Variants in FBXW8 observed in about 807,000 individuals in gnomAD.
FBXW8 encodes the protein F-box and WD repeat domain containing 8, also known as F-box/WD repeat-containing protein 8.
In FBXW8, 57 loss-of-function variants were observed where a neutral mutation model predicts 65.3. The observed-to-expected ratio is 0.87, with a 90% CI of 0.71 to 1.09. FBXW8 has a LOEUF of 1.09. Ranked by LOEUF, FBXW8 falls within the 50% of genes least tolerant of loss-of-function variation. The pLI, the probability that FBXW8 is intolerant of heterozygous loss-of-function variation, is 0.00. For missense variants in FBXW8, 777 were observed against 814.8 expected, an observed-to-expected ratio of 0.95 and a Z score of 0.57; for synonymous variants, 308 against 330.2, an observed-to-expected ratio of 0.93 and a Z score of 0.73.
At chr12:116,913,744 G>C (rs77264855) in intron 1 of FBXW8, among the ~76,000 whole-genome samples, 2 of 152,114 alleles carry the variant, frequency 1.3e-5, no homozygotes, top group Non-Finnish European at 2.9e-5. Flanking sequence ...GGACCCACGC[G>C]GTTCAAACCC....
At chr12:116,994,944 T>C (rs1199288947) in intron 7 of FBXW8, among the ~76,000 whole-genome samples, 1 of 152,224 alleles carries the variant, frequency 6.6e-6, no homozygotes, top group African/African-American at 2.4e-5. Context: ...ACAGAAGTTG[T>C]ACCTTGGGCA....
rs1231342944 is a variant in FBXW8, at chr12:116,988,742, T to G, written c.1112T>G (p.Leu371Arg). Residue 371 changes from leucine to arginine, a missense_variant, in exon 7 of 11, where the codon CTC (leucine) becomes CGC (arginine). Physicochemically the swap from Leu to Arg is moderately radical, Grantham distance 102. Transcript: ENST00000652555. Reference sequence around the variant, plus strand: ...GCTGCTGGAGATCTGATGTACCTGCTCAAAGCCGAAGACTCCGCCAGAACC... The same window carrying G: ...GCTGCTGGAGATCTGATGTACCTGCGCAAAGCCGAAGACTCCGCCAGAACC... Reference protein sequence around the residue: ...VAAAGDLMYLLKAEDSARTLL... With the variant: ...VAAAGDLMYLRKAEDSARTLL... The G allele has an allele frequency of 6.2e-7, 1 of 1,614,114 alleles. No homozygotes were observed. Among genetic ancestry groups the G allele is most frequent in the South Asian group, 1.1e-5 (1 of 91,074 alleles).
intron 5 of FBXW8, among the ~76,000 whole-genome samples, chr12:116,981,613 CTTT>C (rs58869433): frequency 1.1e-4 from 16 of 146,470 alleles, no homozygotes; most frequent in South Asian, 2.2e-4. Context: ...CTGTGAAGTT[CTTT>C]TTTTTTTTTT....
intron 7 of FBXW8, among the ~76,000 whole-genome samples, chr12:117,003,544 A>C (rs1024478806): frequency 2.6e-5 from 4 of 152,164 alleles, no homozygotes; most frequent in Admixed American, 2.0e-4. Flanking sequence ...TTTGTTGACT[A>C]TTTCTTCCAG....
chr12:116,947,505 T>C (rs972145343), intron 3 of FBXW8, among the ~76,000 whole-genome samples: 5 of 152,026 alleles, frequency 3.3e-5, no homozygotes, highest in Admixed American at 3.3e-4. Context: ...CCCAGCACTT[T>C]GGGAGGCTGA....
chr12:117,000,607 T>A (rs1475310758), intron 7 of FBXW8, among the ~76,000 whole-genome samples: 2 of 152,190 alleles, frequency 1.3e-5, no homozygotes, highest in Non-Finnish European at 2.9e-5. Context: ...GGACCACACT[T>A]TGAGCACCCT....
intron 5 of FBXW8, among the ~76,000 whole-genome samples, chr12:116,968,376 A>T (rs1187734937): frequency 1.3e-5 from 2 of 152,232 alleles, no homozygotes; most frequent in Non-Finnish European, 2.9e-5. Flanking sequence ...TTTAAAAAAC[A>T]AAAGATAGCA....
At position 116,955,154 on chromosome 12, in the gene FBXW8, C is replaced by T. The variant is rs1028852937; in HGVS notation, c.677+5448C>T. 2.6e-5 allele frequency among the ~76,000 whole-genome samples: 4 copies of T among 152,034 alleles called. 1 individual carries two copies. The highest frequency in any genetic ancestry group is 9.7e-5 in the African/African-American group (4 of 41,394). On this transcript the variant is annotated intron_variant, in intron 4 of 10. Transcript: ENST00000652555. ...AAGGAAAACTCCCCTTCGGCGATTC[C>T]ACACTCTCTGGACTTCCATTACCTC...
intron 1 of FBXW8, among the ~76,000 whole-genome samples, chr12:116,913,879 T>C (rs1272401110): frequency 6.6e-6 from 1 of 151,932 alleles, no homozygotes; most frequent in Non-Finnish European, 1.5e-5. Flanking sequence ...CTGGAATTCA[T>C]TTCCCTGGTC....
intron 4 of FBXW8, chr12:116,950,992 TTAAAAA>T (rs1190944105): frequency 6.6e-5 from 10 of 152,280 alleles, no homozygotes; most frequent in South Asian, 2.1e-4. Flanking sequence ...GCAAAAGAAC[TTAAAAA>T]TAAAGGAGAG....
chr12:116,937,224 T>C (rs1593058735), intron 2 of FBXW8, among the ~76,000 whole-genome samples: 2 of 152,108 alleles, frequency 1.3e-5, no homozygotes, highest in Non-Finnish European at 2.9e-5. Context: ...TGGGGGAAGA[T>C]CACTCATTGG....
Position 117,030,143 on chromosome 12 carries a change from A to G in FBXW8, c.*1971A>G, listed in dbSNP as rs552555113. 1 of 152,198 alleles carries G rather than the reference A, an allele frequency of 6.6e-6. No individual in the cohort carries two copies. Among genetic ancestry groups the G allele is most frequent in the Non-Finnish European group, 1.5e-5 (1 of 68,008 alleles). 9.4% of individuals were successfully genotyped at this position (152,198 alleles called of 1,614,324 possible). A position where few individuals can be genotyped will look rare whatever the true frequency, so the allele number is the denominator to read the frequency against. ...CAAAGCCTAGAACCTTCACGTCATG[A>G]AGGTTCTGGAAGGTTTTTCAGATTG... On this transcript the variant is annotated 3_prime_UTR_variant, in exon 11 of 11. Coordinates refer to ENST00000652555, the MANE Select transcript of FBXW8 (RefSeq NM_153348.3).
At chr12:117,014,754 G>A (rs1183287524) in intron 8 of FBXW8, among the ~76,000 whole-genome samples, 1 of 152,200 alleles carries the variant, frequency 6.6e-6, no homozygotes, top group Admixed American at 6.5e-5. Flanking sequence ...CAGTGGTTCA[G>A]TCTTAGTTGA....
chr12:116,942,936 C>A (rs1882703546), intron 2 of FBXW8, among the ~76,000 whole-genome samples: 1 of 151,458 alleles, frequency 6.6e-6, no homozygotes. Flanking sequence ...TGCCACCATG[C>A]CTGGATAATT....
chr12:117,028,183 C>CCT lies in FBXW8; in HGVS notation c.*11_*12insCT, dbSNP rs1565950066. 2 of 1,612,482 alleles carry CCT rather than the reference C, an allele frequency of 1.2e-6. No individual in the cohort carries two copies. The highest frequency in any genetic ancestry group is 4.5e-5 in the East Asian group (2 of 44,844). Reference sequence around the variant, plus strand: ...TATAACCATGTTTAGGGATGTGCCTCAGTTGGGAGCAAGGAGAAAAATGGG... The same window carrying CCT: ...TATAACCATGTTTAGGGATGTGCCTCCTAGTTGGGAGCAAGGAGAAAAATGGG... On this transcript the variant is annotated 3_prime_UTR_variant, in exon 11 of 11. Transcript: ENST00000652555. The surrounding 1 kb of genome is among the most constrained non-coding windows in gnomAD (Gnocchi z 4.1).
chr12:117,013,955 T>C (rs1299074707), intron 8 of FBXW8, among the ~76,000 whole-genome samples: 1 of 152,126 alleles, frequency 6.6e-6, no homozygotes, highest in Admixed American at 6.5e-5. Context: ...GTTTAGAATC[T>C]GTATATTTAT....
At chr12:116,911,422 C>T (rs1002749932) in intron 1 of FBXW8, 67 bp downstream of exon 1, 2 of 1,119,410 alleles carry the variant, frequency 1.8e-6, no homozygotes, top group South Asian at 4.4e-5. Context: ...CAAACCCCTG[C>T]AGTGATTTGG....
At chr12:117,023,342 C>T (rs1182189502) in intron 8 of FBXW8, among the ~76,000 whole-genome samples, 1 of 152,108 alleles carries the variant, frequency 6.6e-6, no homozygotes, top group Non-Finnish European at 1.5e-5. Flanking sequence ...TCCTTTTCGA[C>T]TTGCATCACA....
chr12:117,010,186 C>T (rs1953769497), intron 7 of FBXW8, 137 bp from the exon 8 acceptor site: 4 of 1,320,978 alleles, frequency 3.0e-6, no homozygotes, highest in Non-Finnish European at 4.2e-6. Context: ...TGAAAAAGAT[C>T]AGGAAATTAA....
Sources: allele counts gnomAD v4.1 joint callset (sites outside exome capture counted in the v4.1 genomes callset), GRCh38; gene constraint gnomAD v4.1.1; non-coding constraint Gnocchi (gnomAD v3.1); transcripts MANE v1.5; gene names NCBI Gene and HGNC (gene_info 2026-07-23, HGNC 2026-07-21).